ANKRD36: variants seen among roughly 807,000 people sequenced by gnomAD.
ANKRD36 encodes ankyrin repeat domain-containing protein 36A.
Under a neutral mutation model 278.1 loss-of-function variants are expected in ANKRD36, and 179 were observed. The observed-to-expected ratio is 0.64, with a 90% CI of 0.57 to 0.73. The LOEUF (loss-of-function observed/expected upper bound fraction) is 0.73. ANKRD36 is among the 30% of genes least tolerant of loss of function. ANKRD36 has a pLI of 0.00. For synonymous variants in ANKRD36, 320 were observed against 641.1 expected, an observed-to-expected ratio of 0.50 and a Z score of 7.57; for missense variants, 1,159 against 1,956.7, an observed-to-expected ratio of 0.59 and a Z score of 7.69.
In ANKRD36 at chr2:97,200,250, A is replaced by G. The variant is rs573814428; in HGVS notation, c.2756-84A>G. On this transcript the variant is annotated intron_variant, in intron 44 of 75. Transcript: ENST00000420699. ...TCCACTAATACAAGCAGGAGGACAG[A>G]GGTTGATGCTAACACTGTGTGAATC... The G allele has an allele frequency of 1.0e-5, 16 of 1,600,340 alleles. No homozygotes were observed. The Admixed American group carries it at 1.2e-4, about 12-fold the overall frequency.
intron 66 of ANKRD36, among the ~76,000 whole-genome samples, chr2:97,221,830 G>A (rs1413738859): frequency 6.8e-6 from 1 of 147,150 alleles, no homozygotes; most frequent in Non-Finnish European, 1.5e-5. Flanking sequence ...TGCTTTTGGT[G>A]TTTTGGACAT....
intron 67 of ANKRD36, among the ~76,000 whole-genome samples, chr2:97,233,470 C>G (rs1282719885): frequency 6.6e-6 from 1 of 151,804 alleles, no homozygotes; most frequent in Non-Finnish European, 1.5e-5. Context: ...AAGACATTCT[C>G]TTAATCTTTG....
intron 5 of ANKRD36, among the ~76,000 whole-genome samples, chr2:97,125,922 T>C (rs1356102116): frequency 6.6e-6 from 1 of 151,056 alleles, no homozygotes; most frequent in African/African-American, 2.4e-5. Flanking sequence ...GCACAAATAC[T>C]AAAATTGGAA....
chr2:97,204,352 A>G (rs1470986047), intron 50 of ANKRD36, 89 bp downstream of exon 50: 48 of 1,400,028 alleles, frequency 3.4e-5, no homozygotes, highest in Non-Finnish European at 4.5e-5. Context: ...GGCTCGTTGA[A>G]GCTGCACATT....
chr2:97,233,416 G>T (rs2072866481), intron 67 of ANKRD36, among the ~76,000 whole-genome samples: 1 of 150,658 alleles, frequency 6.6e-6, no homozygotes, highest in African/African-American at 2.4e-5. Context: ...CTAATTGTAT[G>T]TATAAATAGA....
intron 48 of ANKRD36, 127 bp from the exon 49 acceptor site, chr2:97,203,941 T>G: frequency 7.0e-7 from 1 of 1,427,890 alleles, no homozygotes; most frequent in East Asian, 2.5e-5. Context: ...CAGACCAAAA[T>G]TAGAAGCCAT....
rs1223576410 is a variant in ANKRD36, at chr2:97,142,800, C to T, written c.866C>T (p.Ala289Val). ...AAGGAAGATTCTATTTCAAATATAG[C>T]CACAGAAATAAAGGATGGACAAAAA... ...SGKEDSISNI[A>V]TEIKDGQKSG... The change falls in exon 8 of 76, where the codon GCC (alanine) becomes GTC (valine). Residue 289 changes from alanine to valine, a missense_variant. Coordinates refer to ENST00000420699, the MANE Select transcript of ANKRD36 (RefSeq NM_001354587.1). 1.3e-6 allele frequency: 2 copies of T among 1,569,916 alleles called. No individual in the cohort carries two copies. The highest frequency in any genetic ancestry group is 3.8e-5 in the Admixed American group (2 of 53,052).
intron 6 of ANKRD36, among the ~76,000 whole-genome samples, chr2:97,129,506 T>C (rs2039510054): frequency 6.6e-6 from 1 of 152,156 alleles, no homozygotes; most frequent in African/African-American, 2.4e-5. Context: ...TTGGCTTCTG[T>C]TGCCATTGCT....
At chr2:97,233,210 T>C (rs2072777800) in intron 67 of ANKRD36, among the ~76,000 whole-genome samples, 1 of 148,688 alleles carries the variant, frequency 6.7e-6, no homozygotes, top group Admixed American at 6.8e-5. Flanking sequence ...AATTAAGTGA[T>C]ATATGCAAAG....
At chr2:97,220,775 ATT>A (rs58512786) in intron 66 of ANKRD36, among the ~76,000 whole-genome samples, 222 of 62,624 alleles carry the variant, frequency 3.5e-3, no homozygotes, top group African/African-American at 0.013. Context: ...TTTTTTTTTA[ATT>A]TTTTTTTTTT....
chr2:97,200,288 T>C (rs1426281253), intron 44 of ANKRD36, 46 bp from the exon 45 acceptor site: 1 of 1,606,756 alleles, frequency 6.2e-7, no homozygotes. Flanking sequence ...TGGATAATTT[T>C]ATCATGTTTA....
chr2:97,144,765 C>T (rs2043826730), intron 10 of ANKRD36, 53 bp downstream of exon 10: 1 of 1,530,664 alleles, frequency 6.5e-7, no homozygotes, highest in East Asian at 2.4e-5. Context: ...AGAGAACTTC[C>T]CTTCCCCAAA....
chr2:97,172,733 G>C (rs1033262487), intron 22 of ANKRD36, among the ~76,000 whole-genome samples: 15 of 151,964 alleles, frequency 9.9e-5, no homozygotes, highest in Non-Finnish European at 1.9e-4. Context: ...GAACCCCTTT[G>C]TTGATCCCTA....
intron 36 of ANKRD36, 133 bp downstream of exon 36, chr2:97,191,314 A>C (rs1456813105): frequency 7.9e-6 from 9 of 1,145,388 alleles, no homozygotes; most frequent in Non-Finnish European, 1.1e-5. Flanking sequence ...CTTCATTTGC[A>C]GTAAGTTCTT....
intron 48 of ANKRD36, among the ~76,000 whole-genome samples, chr2:97,203,733 T>G (rs1350695892): frequency 5.3e-5 from 8 of 151,824 alleles, no homozygotes; most frequent in Non-Finnish European, 8.8e-5. Flanking sequence ...GCTTTGACAT[T>G]GATTCTGACG....
intron 75 of ANKRD36, among the ~76,000 whole-genome samples, chr2:97,256,261 G>A (rs1184410421): frequency 2.7e-5 from 4 of 148,684 alleles, no homozygotes; most frequent in East Asian, 2.3e-4. Context: ...GAAGGCTGAG[G>A]TAGGAGAATT....
At chr2:97,209,429 G>A (rs1231317927) in intron 54 of ANKRD36, among the ~76,000 whole-genome samples, 10 of 146,380 alleles carry the variant, frequency 6.8e-5, no homozygotes, top group South Asian at 4.2e-4. Flanking sequence ...AGATTGACAC[G>A]GTTTTATTTT....
At chr2:97,115,249 T>C (rs1017880675) in intron 1 of ANKRD36, among the ~76,000 whole-genome samples, 2 of 152,102 alleles carry the variant, frequency 1.3e-5, no homozygotes, top group Admixed American at 6.6e-5. Context: ...GCTAGATTTT[T>C]ATGTCACAGA....
intron 75 of ANKRD36, among the ~76,000 whole-genome samples, chr2:97,258,961 C>A (rs2076479966): frequency 1.4e-5 from 2 of 144,784 alleles, no homozygotes; most frequent in Non-Finnish European, 3.0e-5. Context: ...CTTGCTAGGC[C>A]TTTTTCTTTT....
Sources: allele counts gnomAD v4.1 joint callset (sites outside exome capture counted in the v4.1 genomes callset), GRCh38; gene constraint gnomAD v4.1.1; transcripts MANE v1.5; gene names NCBI Gene and HGNC (gene_info 2026-07-23, HGNC 2026-07-21).